Variants in IL34 observed in about 807,000 individuals in gnomAD.
IL34 encodes interleukin 34.
IL34 carries 17 observed loss-of-function variants against 25.3 expected under a neutral mutation model. The ratio of observed to expected loss-of-function variants is 0.67; its 90% confidence interval spans 0.46 to 1.01. The LOEUF (loss-of-function observed/expected upper bound fraction) is 1.01, where lower values mean the gene tolerates loss of function less well. IL34 is among the 50% of genes least tolerant of loss of function. The pLI is 0.00. For synonymous variants in IL34, 174 were observed against 140.9 expected (o/e 1.23, Z -1.66); for missense variants, 368 against 312.9 (o/e 1.18, Z -1.33).
In IL34 at chr16:70,640,786, T is replaced by A. The variant is rs115569882; in HGVS notation, c.-400-5762T>A. Among the ~76,000 whole-genome samples the A allele has an allele frequency of 6.3e-3, 960 of 152,258 alleles. 16 individuals carry two copies. Among genetic ancestry groups the A allele is most frequent in the African/African-American group, 0.022 (904 of 41,542 alleles). Reference sequence around the variant, plus strand: ...CAACAAATAATATACCAACGCTTCATTCAGGGTTTAAAGCATTTCCTTCAC... The same window carrying A: ...CAACAAATAATATACCAACGCTTCAATCAGGGTTTAAAGCATTTCCTTCAC... On this transcript the variant is annotated intron_variant, in intron 1 of 6. Transcript: ENST00000429149.
chr16:70,657,322 G>C (rs997673082), intron 4 of IL34: 1 of 592,536 alleles, frequency 1.7e-6, no homozygotes, highest in Non-Finnish European at 3.0e-6. Context: ...GTGGTCATGA[G>C]AGCCGGGCTC....
At chr16:70,603,755 T>G (rs1335497799) in intron 1 of IL34, among the ~76,000 whole-genome samples, 2 of 151,862 alleles carry the variant, frequency 1.3e-5, no homozygotes, top group South Asian at 2.1e-4. Context: ...AATTTTTAAA[T>G]TTTTTCTGTA....
chr16:70,636,593 A>T lies in IL34; in HGVS notation c.-400-9955A>T, dbSNP rs950350720. Among the ~76,000 whole-genome samples the T allele has an allele frequency of 1.1e-4, 12 of 108,760 alleles. No individual in the cohort carries two copies. The East Asian group carries it at 1.7e-3, about 15-fold the overall frequency. The allele number at this position is 108,760 out of a possible 152,430, so 71.4% of individuals were successfully genotyped here. On this transcript the variant is annotated intron_variant, in intron 1 of 6. Coordinates refer to the IL34 transcript ENST00000429149. ...CAACATAGCAAACCCTGTCACACAC[A>T]CACACACACACACACACACACACAC... is the stretch of plus-strand genomic sequence containing the variant.
chr16:70,610,100 G>T (rs975149555), intron 1 of IL34, among the ~76,000 whole-genome samples: 1 of 152,108 alleles, frequency 6.6e-6, no homozygotes, highest in African/African-American at 2.4e-5. Flanking sequence ...CACTCTGGAG[G>T]CTGAGGCAGG....
chr16:70,609,773 G>C (rs2051063920), intron 1 of IL34, among the ~76,000 whole-genome samples: 1 of 152,172 alleles, frequency 6.6e-6, no homozygotes, highest in Admixed American at 6.5e-5. Flanking sequence ...TGAGGCCAGT[G>C]CTTTCAGCAA....
At chr16:70,638,642 G>A (rs2151859532) in intron 1 of IL34, among the ~76,000 whole-genome samples, 1 of 151,814 alleles carries the variant, frequency 6.6e-6, no homozygotes, top group East Asian at 1.9e-4. Context: ...TCTGTCACCC[G>A]GGCTGGTCTT....
chr16:70,624,639 A>C (rs564895669), intron 1 of IL34, among the ~76,000 whole-genome samples: 1 of 152,154 alleles, frequency 6.6e-6, no homozygotes, highest in African/African-American at 2.4e-5. Flanking sequence ...ATAAAGAAAA[A>C]GGAGCATTCA....
At chr16:70,638,009 T>C (rs1448622850) in intron 1 of IL34, among the ~76,000 whole-genome samples, 1 of 152,186 alleles carries the variant, frequency 6.6e-6, no homozygotes, top group Non-Finnish European at 1.5e-5. Flanking sequence ...GCAATGGATA[T>C]CCCAGGCATT....
intron 1 of IL34, among the ~76,000 whole-genome samples, chr16:70,607,019 G>A (rs1385758328): frequency 6.6e-6 from 1 of 152,172 alleles, no homozygotes; most frequent in East Asian, 1.9e-4. Context: ...ATTGATTTTT[G>A]TTATGTCGAT....
At chr16:70,644,200 C>T (rs1465671126), upstream of IL34, among the ~76,000 whole-genome samples, 2 of 152,158 alleles carry the variant, frequency 1.3e-5, no homozygotes, top group Admixed American at 6.5e-5. Context: ...GTCTCAAAGT[C>T]CTGACCTTTT....
At chr16:70,636,585 T>TCACACACACACACACACACA (rs34816911) in intron 1 of IL34, among the ~76,000 whole-genome samples, 5 of 136,384 alleles carry the variant, frequency 3.7e-5, no homozygotes, top group Non-Finnish European at 6.2e-5. Flanking sequence ...GCAAACCCTG[T>TCACACACACACACACACACA]CACACACACA....
intron 1 of IL34, among the ~76,000 whole-genome samples, chr16:70,614,460 G>T (rs2151830400): frequency 6.6e-6 from 1 of 152,308 alleles, no homozygotes; most frequent in South Asian, 2.1e-4. Flanking sequence ...GCCTCTCCAG[G>T]TGGTTCTTAA....
At chr16:70,641,565 C>T (rs1356546062), upstream of IL34, among the ~76,000 whole-genome samples, 62 of 108,010 alleles carry the variant, frequency 5.7e-4, 1 homozygote, top group Middle Eastern at 4.6e-3. Context: ...GCCTTTCTTT[C>T]TTTTTTTTTT....
Position 70,637,999 on chromosome 16 carries a change from G to A in IL34, c.-400-8549G>A, listed in dbSNP as rs1320170263. ...TTTTGCTTCAAGTGTAAACAGCAGT[G>A]CAATGGATATCCCAGGCATTCAGCT... is the stretch of plus-strand genomic sequence containing the variant. On this transcript the variant is annotated intron_variant, in intron 1 of 6. Coordinates refer to the IL34 transcript ENST00000429149. Among the ~76,000 whole-genome samples the A allele has an allele frequency of 2.6e-5, 4 of 152,116 alleles. No homozygotes were observed. In the East Asian group the frequency reaches 7.7e-4, roughly 29 times the overall value.
At chr16:70,612,095 G>T (rs1292979876) in intron 1 of IL34, among the ~76,000 whole-genome samples, 1 of 152,198 alleles carries the variant, frequency 6.6e-6, no homozygotes, top group African/African-American at 2.4e-5. Context: ...CCCAAAGCCT[G>T]TCTCAGGCTC....
intron 1 of IL34, among the ~76,000 whole-genome samples, chr16:70,584,137 C>G (rs1380713593): frequency 6.6e-6 from 1 of 152,168 alleles, no homozygotes; most frequent in African/African-American, 2.4e-5. Flanking sequence ...GAGAGAGACT[C>G]CATGGAAGTC....
chr16:70,636,251 G>T (rs983949353), intron 1 of IL34, among the ~76,000 whole-genome samples: 7 of 152,038 alleles, frequency 4.6e-5, no homozygotes, highest in African/African-American at 1.7e-4. Context: ...ATTGAGGCTG[G>T]TGTCAAACAC....
chr16:70,606,989 T>A (rs1359137789), intron 1 of IL34, among the ~76,000 whole-genome samples: 1 of 152,240 alleles, frequency 6.6e-6, no homozygotes, highest in Non-Finnish European at 1.5e-5. Context: ...CAGCTTTTGG[T>A]GCTAGTCTGT....
At chr16:70,592,178 C>T (rs1206567127) in intron 1 of IL34, among the ~76,000 whole-genome samples, 1 of 150,454 alleles carries the variant, frequency 6.6e-6, no homozygotes, top group Non-Finnish European at 1.5e-5. Flanking sequence ...TAAAGCCATA[C>T]AATGCATAAA....
Sources: gnomAD v4.1 joint callset for allele counts (sites outside exome capture counted in the v4.1 genomes callset) on GRCh38, gnomAD v4.1.1 for gene constraint, MANE v1.5 for transcripts, NCBI Gene and HGNC (gene_info 2026-07-23, HGNC 2026-07-21) for gene names.